Variants in PKIB observed in about 807,000 individuals in gnomAD.
PKIB encodes the protein cAMP-dependent protein kinase inhibitor beta.
Under a neutral mutation model 4.5 loss-of-function variants are expected in PKIB, and 2 were observed. That is an observed-to-expected ratio of 0.44 (90% CI 0.18 to 1.39). The LOEUF is 1.39. Among genes scored for constraint, PKIB ranks in the 40% most tolerant of loss-of-function variants. The pLI is 0.27. For missense variants in PKIB, 94 were observed against 92.6 expected, an observed-to-expected ratio of 1.02 and a Z score of -0.06; for synonymous variants, 38 against 36.0, an observed-to-expected ratio of 1.06 and a Z score of -0.20.
At chr6:122,563,446 T>C (rs368944605) in intron 2 of PKIB, among the ~76,000 whole-genome samples, 11 of 152,200 alleles carry the variant, frequency 7.2e-5, no homozygotes, top group African/African-American at 2.4e-4. Flanking sequence ...TGGCCTACTG[T>C]CAGGTGGTGG....
chr6:122,717,558 CAG>C, intron 3 of PKIB: 2 of 499,476 alleles, frequency 4.0e-6, no homozygotes, highest in East Asian at 3.1e-5. Flanking sequence ...TCATTCGGCT[CAG>C]GGGTTATTTT....
At chr6:122,593,926 TA>T (rs908050501) in intron 3 of PKIB, among the ~76,000 whole-genome samples, 16 of 152,128 alleles carry the variant, frequency 1.1e-4, no homozygotes, top group African/African-American at 3.6e-4. Flanking sequence ...CAATACTTTG[TA>T]TCCTTCAATG....
At chr6:122,687,593 A>G (rs1442844193) in intron 3 of PKIB, among the ~76,000 whole-genome samples, 1 of 152,168 alleles carries the variant, frequency 6.6e-6, no homozygotes, top group East Asian at 1.9e-4. Context: ...GATTCTTCCA[A>G]TCCACGAACA....
chr6:122,606,582 A>AAAAAAG (rs1295640090), upstream of PKIB, among the ~76,000 whole-genome samples: 3 of 151,800 alleles, frequency 2.0e-5, no homozygotes, highest in Non-Finnish European at 4.4e-5. Context: ...AAAAAAGAAA[A>AAAAAAG]AAAAAGCTAG....
chr6:122,687,101 T>C (rs1352419554), intron 3 of PKIB, among the ~76,000 whole-genome samples: 1 of 152,216 alleles, frequency 6.6e-6, no homozygotes. Flanking sequence ...TAGTTTGAAG[T>C]CTTAAATTTA....
At chr6:122,706,801 A>T (rs941262568) in intron 3 of PKIB, among the ~76,000 whole-genome samples, 1 of 152,176 alleles carries the variant, frequency 6.6e-6, no homozygotes, top group African/African-American at 2.4e-5. Context: ...AAAATTTGGA[A>T]AAAAGTAAAA....
intron 1 of PKIB, among the ~76,000 whole-genome samples, chr6:122,473,187 A>G (rs1051870994): frequency 6.6e-6 from 1 of 152,258 alleles, no homozygotes; most frequent in African/African-American, 2.4e-5. Context: ...TACGTTATTT[A>G]TGGGAGAAGA....
At chr6:122,542,986 C>T (rs112816575) in intron 2 of PKIB, among the ~76,000 whole-genome samples, 1,931 of 151,820 alleles carry the variant, frequency 0.013, 65 homozygotes, top group African/African-American at 0.045. Context: ...TAGCAATCAG[C>T]GAGACTCCAT....
intron 2 of PKIB, among the ~76,000 whole-genome samples, chr6:122,639,366 T>A (rs1055962969): frequency 8.5e-5 from 13 of 152,196 alleles, no homozygotes; most frequent in African/African-American, 2.9e-4. Context: ...TAGCACTAAT[T>A]CTTAGTGATC....
At chr6:122,630,127 A>G (rs1030911972) in intron 1 of PKIB, among the ~76,000 whole-genome samples, 1 of 152,170 alleles carries the variant, frequency 6.6e-6, no homozygotes, top group African/African-American at 2.4e-5. Flanking sequence ...GTAAAAAAAT[A>G]TGTTAAAAAG....
At chr6:122,624,792 A>G (rs937956346) in intron 1 of PKIB, among the ~76,000 whole-genome samples, 2 of 152,308 alleles carry the variant, frequency 1.3e-5, no homozygotes, top group African/African-American at 2.4e-5. Context: ...GCATCTCACT[A>G]TCTTTAAGCT....
intron 1 of PKIB, among the ~76,000 whole-genome samples, chr6:122,618,569 G>C (rs1775087129): frequency 6.6e-6 from 1 of 152,020 alleles, no homozygotes; most frequent in Non-Finnish European, 1.5e-5. Context: ...CTAACTAGAA[G>C]TAATCACTAT....
At chr6:122,516,065 A>G (rs1043552816) in intron 2 of PKIB, among the ~76,000 whole-genome samples, 1 of 152,172 alleles carries the variant, frequency 6.6e-6, no homozygotes, top group South Asian at 2.1e-4. Context: ...AATGTCAGCT[A>G]AAAAAGCTAT....
intron 2 of PKIB, among the ~76,000 whole-genome samples, chr6:122,536,180 T>C (rs1229768574): frequency 6.6e-6 from 1 of 152,156 alleles, no homozygotes; most frequent in African/African-American, 2.4e-5. Flanking sequence ...CCTCAAGTGA[T>C]CCACCTGCCT....
intron 2 of PKIB, among the ~76,000 whole-genome samples, chr6:122,556,808 A>G (rs1455972861): frequency 6.6e-6 from 1 of 152,196 alleles, no homozygotes; most frequent in Admixed American, 6.5e-5. Flanking sequence ...ACAATTATCT[A>G]CTAAGTTACC....
intron 2 of PKIB, among the ~76,000 whole-genome samples, chr6:122,527,483 G>A (rs1380062414): frequency 2.6e-5 from 4 of 152,010 alleles, no homozygotes; most frequent in African/African-American, 7.2e-5. Context: ...TGCCATGGCA[G>A]GATTTCTATT....
chr6:122,674,248 T>C (rs1184286811), intron 2 of PKIB, among the ~76,000 whole-genome samples: 2 of 152,180 alleles, frequency 1.3e-5, no homozygotes, highest in Non-Finnish European at 2.9e-5. Flanking sequence ...CTATATTTAC[T>C]TTGAAATAAT....
chr6:122,622,628 C>T lies in PKIB; in HGVS notation c.-160-10655C>T, dbSNP rs9490501. 6.3e-4 allele frequency among the ~76,000 whole-genome samples: 96 copies of T among 152,276 alleles called. 1 individual carries two copies. Among genetic ancestry groups the T allele is most frequent in the African/African-American group, 2.3e-3 (96 of 41,554 alleles). On this transcript the variant is annotated intron_variant, in intron 1 of 4. Coordinates refer to ENST00000368452, the MANE Select transcript of PKIB (RefSeq NM_181795.3). ...CGCAGCCCTGTTGCTTAGCAGTCCC[C>T]ATGGATCAGTCATAAGGGGTTGTTG...
chr6:122,668,320 C>A (rs1406882065), intron 2 of PKIB, among the ~76,000 whole-genome samples: 1 of 152,012 alleles, frequency 6.6e-6, no homozygotes, highest in Non-Finnish European at 1.5e-5. Context: ...TTGGAAAGAC[C>A]GTGGATAATG....
Sources: allele counts gnomAD v4.1 joint callset (sites outside exome capture counted in the v4.1 genomes callset), GRCh38; gene constraint gnomAD v4.1.1; transcripts MANE v1.5; gene names NCBI Gene and HGNC (gene_info 2026-07-23, HGNC 2026-07-21).